IFTAP: variants seen among roughly 807,000 people sequenced by gnomAD.
IFTAP encodes intraflagellar transport associated protein.
A neutral mutation model predicts 19.4 loss-of-function variants in IFTAP; 19 were observed. The ratio of observed to expected loss-of-function variants is 0.98; its 90% confidence interval spans 0.68 to 1.44. The LOEUF (loss-of-function observed/expected upper bound fraction) is 1.44. Ranked by LOEUF, IFTAP falls within the 40% of genes most tolerant of loss-of-function variation. The pLI is 0.00. For synonymous variants in IFTAP, 85 were observed against 83.5 expected (o/e 1.02, Z -0.10); for missense variants, 240 against 253.6 (o/e 0.95, Z 0.36).
At chr11:36,658,479 T>C (rs1370799643) in intron 5 of IFTAP, among the ~76,000 whole-genome samples, 3 of 152,188 alleles carry the variant, frequency 2.0e-5, no homozygotes, top group Admixed American at 2.0e-4. Context: ...CCTGGACTTT[T>C]AAATTTAAAA....
chr11:36,602,999 T>C (rs937166015), intron 1 of IFTAP, among the ~76,000 whole-genome samples: 22 of 152,184 alleles, frequency 1.4e-4, no homozygotes, highest in Admixed American at 1.4e-3. Flanking sequence ...AAATGCTTAA[T>C]TGGTTTGCAT....
intron 3 of IFTAP, among the ~76,000 whole-genome samples, chr11:36,635,108 A>T (rs1009132465): frequency 4.6e-5 from 7 of 152,142 alleles, no homozygotes; most frequent in Non-Finnish European, 7.4e-5. Flanking sequence ...ATTCCTATGT[A>T]ATAGCTATGG....
intron 5 of IFTAP, among the ~76,000 whole-genome samples, chr11:36,656,846 C>CGG (rs922564512): frequency 3.1e-4 from 47 of 151,848 alleles, no homozygotes; most frequent in Admixed American, 9.2e-4. Context: ...TAGAGGGAGT[C>CGG]GGGGGCATGG....
intron 4 of IFTAP, among the ~76,000 whole-genome samples, chr11:36,636,554 A>T (rs939867261): frequency 6.6e-6 from 1 of 152,264 alleles, no homozygotes; most frequent in African/African-American, 2.4e-5. Flanking sequence ...AAGGTTACTG[A>T]GGCTGAACCA....
intron 5 of IFTAP, among the ~76,000 whole-genome samples, chr11:36,650,743 C>G (rs9971624): frequency 0.026 from 3,869 of 151,560 alleles, 167 homozygotes; most frequent in African/African-American, 0.088. Context: ...GTGTGATGTT[C>G]CCCTTCCTGT....
chr11:36,655,767 A>T (rs1243059448), intron 5 of IFTAP, among the ~76,000 whole-genome samples: 1 of 152,172 alleles, frequency 6.6e-6, no homozygotes, highest in Non-Finnish European at 1.5e-5. Context: ...GCTGCTGTTG[A>T]TAACCCTTAA....
At chr11:36,617,197 G>T (rs1420080164) in intron 2 of IFTAP, among the ~76,000 whole-genome samples, 2 of 148,328 alleles carry the variant, frequency 1.3e-5, no homozygotes, top group Admixed American at 6.7e-5. Flanking sequence ...ATATTTATTT[G>T]TATATATATT....
chr11:36,653,102 A>G (rs1300077215), intron 5 of IFTAP, among the ~76,000 whole-genome samples: 2 of 152,128 alleles, frequency 1.3e-5, no homozygotes, highest in African/African-American at 4.8e-5. Flanking sequence ...AAAAATTTTC[A>G]CCTATAAAGA....
intron 1 of IFTAP, among the ~76,000 whole-genome samples, chr11:36,603,695 G>A (rs1263721359): frequency 6.6e-6 from 1 of 152,136 alleles, no homozygotes; most frequent in Admixed American, 6.6e-5. Context: ...GCCGAGGTGG[G>A]CGGATCACTT....
At chr11:36,595,625 T>G (rs1455295058) in intron 1 of IFTAP, among the ~76,000 whole-genome samples, 1 of 152,248 alleles carries the variant, frequency 6.6e-6, no homozygotes, top group Admixed American at 6.5e-5. Flanking sequence ...TTATGTAACC[T>G]CTGTGTGCCT....
chr11:36,651,609 A>G (rs1853731445), intron 5 of IFTAP, among the ~76,000 whole-genome samples: 1 of 152,140 alleles, frequency 6.6e-6, no homozygotes, highest in African/African-American at 2.4e-5. Context: ...TTGGTGTTTT[A>G]GACATGAAGT....
intron 5 of IFTAP, among the ~76,000 whole-genome samples, chr11:36,652,348 CTGTT>C (rs1299501780): frequency 8.5e-5 from 13 of 152,254 alleles, no homozygotes; most frequent in Admixed American, 3.3e-4. Context: ...ATTTGGCTCT[CTGTT>C]TGTCTGTTAT....
intron 2 of IFTAP, among the ~76,000 whole-genome samples, chr11:36,625,264 GT>G (rs1173184655): frequency 2.0e-5 from 3 of 151,980 alleles, no homozygotes; most frequent in Admixed American, 6.6e-5. Flanking sequence ...ACATAAATAT[GT>G]TTATTTATAT....
At chr11:36,635,999 G>C in intron 3 of IFTAP, 52 bp from the exon 4 acceptor site, 1 of 1,306,782 alleles carries the variant, frequency 7.7e-7, no homozygotes, top group Non-Finnish European at 1.1e-6. Context: ...TTTCACTGCA[G>C]TTTTTCTTTA....
chr11:36,621,328 A>T (rs1219412358), intron 2 of IFTAP, among the ~76,000 whole-genome samples: 1 of 152,060 alleles, frequency 6.6e-6, no homozygotes, highest in Non-Finnish European at 1.5e-5. Flanking sequence ...GGATACAAAC[A>T]GGAAACTTTA....
intron 4 of IFTAP, among the ~76,000 whole-genome samples, chr11:36,643,691 C>T (rs1328926522): frequency 6.6e-6 from 1 of 152,136 alleles, no homozygotes; most frequent in African/African-American, 2.4e-5. Flanking sequence ...AGAAATAATA[C>T]CATGCATCTA....
chr11:36,619,027 A>C (rs1354790132), intron 2 of IFTAP, among the ~76,000 whole-genome samples: 1 of 151,994 alleles, frequency 6.6e-6, no homozygotes, highest in Non-Finnish European at 1.5e-5. Flanking sequence ...GTCAAGGAAG[A>C]GTCACAGGTA....
At chr11:36,649,190 CCATT>C (rs1162331434) in intron 5 of IFTAP, among the ~76,000 whole-genome samples, 1 of 151,626 alleles carries the variant, frequency 6.6e-6, no homozygotes, top group Non-Finnish European at 1.5e-5. Context: ...ATAGAATTAG[CCATT>C]CAGTCATAAA....
intron 2 of IFTAP, among the ~76,000 whole-genome samples, chr11:36,614,885 T>C (rs548617755): frequency 6.8e-6 from 1 of 147,758 alleles, no homozygotes; most frequent in Non-Finnish European, 1.5e-5. Context: ...TTCACTCTGA[T>C]GGTAGTTTCT....
Sources: allele counts gnomAD v4.1 joint callset (sites outside exome capture counted in the v4.1 genomes callset), GRCh38; gene constraint gnomAD v4.1.1; transcripts MANE v1.5; gene names NCBI Gene and HGNC (gene_info 2026-07-23, HGNC 2026-07-21).